Variants in TOP6BL observed in about 807,000 individuals in gnomAD.
TOP6BL encodes type 2 DNA topoisomerase 6 subunit B-like.
At chr11:66,823,316 G>C in the TOP6BL span, among the ~76,000 whole-genome samples, 1 of 131,176 alleles carries the variant, frequency 7.6e-6, no homozygotes, top group African/African-American at 2.9e-5. Context: ...AAAAAAAAAA[G>C]CCAGGATTTT....
At chr11:66,775,112 CAAAAAAAAAAAA>C in the TOP6BL span, among the ~76,000 whole-genome samples, 1 of 57,990 alleles carries the variant, frequency 1.7e-5, no homozygotes, top group Admixed American at 2.3e-4. Flanking sequence ...GACTCTGTCT[CAAAAAAAAAAAA>C]AAAAAAAAAA....
the TOP6BL span, chr11:66,758,242 A>G: frequency 1.7e-6 from 1 of 585,602 alleles, no homozygotes; most frequent in Non-Finnish European, 2.1e-6. Flanking sequence ...AAAATTTCTA[A>G]TATTTATAGT....
chr11:66,825,254 G>T, the TOP6BL span, among the ~76,000 whole-genome samples: 1 of 150,486 alleles, frequency 6.6e-6, no homozygotes, highest in Non-Finnish European at 1.5e-5. Flanking sequence ...CAAGGTGGGT[G>T]GATCACCTGA....
chr11:66,753,790 C>T, the TOP6BL span, among the ~76,000 whole-genome samples: 1 of 151,926 alleles, frequency 6.6e-6, no homozygotes, highest in Non-Finnish European at 1.5e-5. Context: ...CTGCAACCTC[C>T]ACCTCCCAGG....
At chr11:66,786,937 G>GTTTTTTTTTTTT in the TOP6BL span, among the ~76,000 whole-genome samples, 1 of 143,772 alleles carries the variant, frequency 7.0e-6, no homozygotes, top group Non-Finnish European at 1.5e-5. Context: ...TTTTTGTTTT[G>GTTTTTTTTTTTT]TTTTTTTTTT....
the TOP6BL span, among the ~76,000 whole-genome samples, chr11:66,798,431 C>T: frequency 6.6e-6 from 1 of 151,672 alleles, no homozygotes; most frequent in East Asian, 2.0e-4. Flanking sequence ...GAAACTCTGT[C>T]TCTACTAAAA....
chr11:66,827,862 G>A, the TOP6BL span, among the ~76,000 whole-genome samples: 1 of 151,358 alleles, frequency 6.6e-6, no homozygotes, highest in African/African-American at 2.4e-5. Flanking sequence ...CTACTCGGGA[G>A]GCTGAAGCAG....
the TOP6BL span, among the ~76,000 whole-genome samples, chr11:66,756,664 C>T: frequency 6.6e-6 from 1 of 152,084 alleles, no homozygotes; most frequent in Non-Finnish European, 1.5e-5. Context: ...CAAGCATTCC[C>T]CCAAATCCCC....
chr11:66,759,838 C>T, the TOP6BL span, among the ~76,000 whole-genome samples: 1 of 152,146 alleles, frequency 6.6e-6, no homozygotes, highest in Non-Finnish European at 1.5e-5. Context: ...CTGCCTCGGC[C>T]TCCCAAAATG....
At chr11:66,838,306 G>A in the TOP6BL span, 2 of 1,488,108 alleles carry the variant, frequency 1.3e-6, no homozygotes, top group African/African-American at 2.8e-5. Context: ...GCACACTCCT[G>A]TTTCACTAGG....
At chr11:66,786,313 T>A in the TOP6BL span, among the ~76,000 whole-genome samples, 288 of 151,368 alleles carry the variant, frequency 1.9e-3, no homozygotes, top group South Asian at 5.9e-3. Flanking sequence ...AAAAAAAAAA[T>A]TTCTGTTTTC....
At chr11:66,837,445 ATT>A in the TOP6BL span, among the ~76,000 whole-genome samples, 18 of 111,790 alleles carry the variant, frequency 1.6e-4, no homozygotes, top group Admixed American at 9.5e-5. Flanking sequence ...CAAATTTTTA[ATT>A]TTTTTTTTTT....
chr11:66,797,463 T>G, the TOP6BL span, among the ~76,000 whole-genome samples: 1 of 152,192 alleles, frequency 6.6e-6, no homozygotes, highest in Admixed American at 6.5e-5. Context: ...TAATAAACCT[T>G]GCTGTTTATC....
the TOP6BL span, among the ~76,000 whole-genome samples, chr11:66,811,488 A>G: frequency 6.6e-6 from 1 of 152,194 alleles, no homozygotes; most frequent in Admixed American, 6.5e-5. Flanking sequence ...TACTGTGCCC[A>G]GCCTATACTC....
At chr11:66,843,207 G>C in the TOP6BL span, 5 of 1,610,802 alleles carry the variant, frequency 3.1e-6, no homozygotes, top group Non-Finnish European at 8.5e-7. Context: ...ACCTGTCAGA[G>C]TGGCTGAGTC....
the TOP6BL span, among the ~76,000 whole-genome samples, chr11:66,824,913 G>T: frequency 2.0e-5 from 3 of 152,022 alleles, no homozygotes; most frequent in African/African-American, 7.2e-5. Flanking sequence ...ACATATGTGT[G>T]CATGTGTCTT....
At chr11:66,786,515 G>A in the TOP6BL span, among the ~76,000 whole-genome samples, 1 of 152,104 alleles carries the variant, frequency 6.6e-6, no homozygotes. Context: ...GTTTGTGTGT[G>A]TGGAGTGAGA....
chr11:66,765,375 G>A, the TOP6BL span, among the ~76,000 whole-genome samples: 3 of 152,184 alleles, frequency 2.0e-5, no homozygotes, highest in African/African-American at 7.2e-5. Context: ...AGGAAGTACT[G>A]CACATCAAGT....
chr11:66,803,369 G>A, the TOP6BL span, among the ~76,000 whole-genome samples: 1,861 of 152,228 alleles, frequency 0.012, 37 homozygotes, highest in African/African-American at 0.042. Context: ...ATTGCTTGAG[G>A]CCAGGAGTTT....
Sources: gnomAD v4.1 joint callset for allele counts (sites outside exome capture counted in the v4.1 genomes callset) on GRCh38, gnomAD v4.1.1 for gene constraint, MANE v1.5 for transcripts, NCBI Gene and HGNC (gene_info 2026-07-23, HGNC 2026-07-21) for gene names.